The following BRCA1 variants were observed in gnomAD, a reference collection of about 807,000 sequenced individuals.
BRCA1 encodes the protein BRCA1 DNA repair associated.
In BRCA1, 140 loss-of-function variants were observed where a neutral mutation model predicts 173.7. The ratio of observed to expected loss-of-function variants is 0.81; its 90% CI spans 0.70 to 0.93. BRCA1 has a LOEUF of 0.93. Ranked by LOEUF, BRCA1 falls within the 40% of genes least tolerant of loss-of-function variation. The probability of loss-of-function intolerance (pLI) is 0.00; values close to 1 mark genes in which losing one functional copy is unlikely to be tolerated. For missense variants in BRCA1, 1,983 were observed against 2,172.5 expected (o/e 0.91, Z 1.73); for synonymous variants, 662 against 756.0 (o/e 0.88, Z 2.04).
chr17:43,158,115 TTTAA>T (rs2056209731), intron 1 of BRCA1, among the ~76,000 whole-genome samples: 1 of 152,208 alleles, frequency 6.6e-6, no homozygotes, highest in African/African-American at 2.4e-5. Context: ...TTCTTACATC[TTTAA>T]TTTTTATGTA....
In BRCA1 at chr17:43,100,632, T is replaced by TTATA. The variant is rs1325492180; in HGVS notation, c.442-756_442-753dup. Among the ~76,000 whole-genome samples, 4 of 43,208 alleles carry TTATA rather than the reference T, an allele frequency of 9.3e-5. No homozygotes were observed. In the African/African-American group the frequency reaches 9.7e-4, roughly 10 times the overall value. 28.3% of individuals were successfully genotyped at this position (43,208 alleles called of 152,430 possible). On this transcript the variant is annotated intron_variant, in intron 6 of 22. Coordinates refer to ENST00000357654, the MANE Select transcript of BRCA1 (RefSeq NM_007294.4). ...AACATATATATAACATATATATATGTTATATATATATAACATATATATAAC... is the reference window on the plus strand; with the variant it reads ...AACATATATATAACATATATATATGTTATATATATATATATAACATATATATAAC...
chr17:43,117,937 AAG>A (rs1258926081), intron 2 of BRCA1, among the ~76,000 whole-genome samples: 1 of 152,184 alleles, frequency 6.6e-6, no homozygotes, highest in Non-Finnish European at 1.5e-5. Context: ...TTACAAAATA[AAG>A]CCTGCTCTCA....
intron 1 of BRCA1, among the ~76,000 whole-genome samples, chr17:43,152,463 G>C (rs1325615446): frequency 2.0e-5 from 3 of 152,164 alleles, no homozygotes; most frequent in African/African-American, 7.2e-5. Context: ...GCTCACACCT[G>C]TCATCTCAGC....
chr17:43,064,055 A>T, intron 16 of BRCA1, 104 bp from the exon 17 acceptor site: 1 of 907,432 alleles, frequency 1.1e-6, no homozygotes. Flanking sequence ...CCCAAGATCA[A>T]TCTGGATTTA....
At chr17:43,080,303 C>T (rs1175165438) in intron 12 of BRCA1, among the ~76,000 whole-genome samples, 2 of 152,144 alleles carry the variant, frequency 1.3e-5, no homozygotes, top group African/African-American at 4.8e-5. Flanking sequence ...ATAAACTAGG[C>T]CAGGCACCGT....
intron 1 of BRCA1, chr17:43,161,890 T>C (rs552842044): frequency 3.5e-4 from 53 of 152,306 alleles, no homozygotes; most frequent in African/African-American, 1.2e-3. Flanking sequence ...GCTCGGCTAA[T>C]TGCAAAAACA....
chr17:43,070,822 T>G (rs1413220665), intron 15 of BRCA1, 106 bp downstream of exon 15: 4 of 1,314,256 alleles, frequency 3.0e-6, no homozygotes, highest in Non-Finnish European at 3.2e-6. Context: ...GTGATTGTTT[T>G]CTAGATTTCT....
intron 8 of BRCA1, among the ~76,000 whole-genome samples, chr17:43,096,376 C>CAAAAAAAAAAAAAA (rs71160005): frequency 8.1e-5 from 6 of 74,206 alleles, no homozygotes; most frequent in East Asian, 4.2e-4. Context: ...GACTCTGTCT[C>CAAAAAAAAAAAAAA]AAAAAAAAAA....
intron 3 of BRCA1, among the ~76,000 whole-genome samples, chr17:43,114,255 A>T (rs1035194181): frequency 3.3e-5 from 5 of 152,136 alleles, no homozygotes; most frequent in African/African-American, 1.2e-4. Context: ...TAATAATAGT[A>T]TAGTATGTTC....
At chr17:43,076,244 AT>A (rs1417854119) in intron 13 of BRCA1, among the ~76,000 whole-genome samples, 1 of 151,812 alleles carries the variant, frequency 6.6e-6, no homozygotes, top group Non-Finnish European at 1.5e-5. Flanking sequence ...CCTCCATTAT[AT>A]TTTTTTCTGA....
chr17:43,093,101 G>A lies in BRCA1; in HGVS notation c.2430C>T (p.Asn810=), dbSNP rs1459103756. The part of the protein sequence containing the change: ...KCVSQCAAFE[N]PKGLIHGCSK... The stretch of plus-strand genomic sequence containing the variant: ...AACAACCATGAATTAGTCCCTTGGG[G>A]TTTTCAAATGCTGCACACTGACTCA... Residue 810 remains asparagine (N), a synonymous_variant, in exon 10 of 23, where the codon AAC becomes AAT. Coordinates refer to ENST00000357654, the MANE Select transcript of BRCA1 (RefSeq NM_007294.4). 1 of 1,613,606 alleles carries A rather than the reference G, an allele frequency of 6.2e-7. No individual in the cohort carries two copies. Among genetic ancestry groups the A allele is most frequent in the South Asian group, 1.1e-5 (1 of 91,078 alleles).
In BRCA1 at chr17:43,124,135, CAT is replaced by C. The variant is rs273898667; in HGVS notation, c.-19-22_-19-21del. 8.8e-5 allele frequency: 113 copies of C among 1,290,656 alleles called. No homozygotes were observed. The highest frequency in any genetic ancestry group is 1.1e-4 in the Non-Finnish European group (94 of 894,414). The allele number at this position is 1,290,656 out of a possible 1,614,324, so 80.0% of individuals were successfully genotyped here. A position where few individuals can be genotyped will look rare whatever the true frequency, so the allele number is the denominator to read the frequency against. ...AATGAACTTTAACACATTAGAAAAA[CAT>C]ATATATATATCTTTTTAAAAGGTTT... On this transcript the variant is annotated intron_variant, in intron 1 of 22. Coordinates refer to ENST00000357654, the MANE Select transcript of BRCA1 (RefSeq NM_007294.4).
chr17:43,106,948 G>A (rs1213167871), intron 3 of BRCA1, among the ~76,000 whole-genome samples: 1 of 152,048 alleles, frequency 6.6e-6, no homozygotes, highest in Admixed American at 6.6e-5. Flanking sequence ...AGAAAGTGTG[G>A]TAATAGCATA....
Position 43,093,587 on chromosome 17 carries a change from T to C in BRCA1, c.1944A>G (p.Glu648=), listed in dbSNP as rs876660781. 12 of 1,613,938 alleles carry C rather than the reference T, an allele frequency of 7.4e-6. No individual in the cohort carries two copies. The highest frequency in any genetic ancestry group is 1.0e-5 in the Non-Finnish European group (12 of 1,180,002). The change falls in exon 10 of 23, where the codon GAA becomes GAG. Residue 648 remains glutamate, a synonymous_variant. Coordinates refer to ENST00000357654, the MANE Select transcript of BRCA1 (RefSeq NM_007294.4). Reference sequence around the variant, plus strand: ...GGTTGTACTTTTTTTTCTTTATCTCTTCACTGCTAGAACAACTATCAATTT... The same window carrying C: ...GGTTGTACTTTTTTTTCTTTATCTCCTCACTGCTAGAACAACTATCAATTT... ...ELQIDSCSSS[E]EIKKKKYNQM...
chr17:43,146,695 A>T (rs1262998101), intron 1 of BRCA1, among the ~76,000 whole-genome samples: 1 of 152,150 alleles, frequency 6.6e-6, no homozygotes, highest in Non-Finnish European at 1.5e-5. Context: ...ATGAAAGAAA[A>T]AAAAAGAAAA....
rs1326068348 is a variant in BRCA1, at chr17:43,125,340, T to C, written c.-89A>G. On this transcript the variant is annotated 5_prime_UTR_variant, in exon 1 of 23. Coordinates refer to ENST00000357654, the MANE Select transcript of BRCA1 (RefSeq NM_007294.4). ...CAGTTATCTGAGAAACCCCACAGCC[T>C]GTCCCCCGTCCAGGAAGTCTCAGCG... is the stretch of plus-strand genomic sequence containing the variant. 1.8e-5 allele frequency: 8 copies of C among 444,780 alleles called. No individual in the cohort carries two copies. The highest frequency in any genetic ancestry group is 9.4e-5 in the South Asian group (6 of 64,114). 27.6% of individuals were successfully genotyped at this position (444,780 alleles called of 1,614,324 possible).
In BRCA1 at chr17:43,106,453, T is replaced by C. The variant is rs80358083; in HGVS notation, c.212+3A>G. 2 of 1,574,274 alleles carry C rather than the reference T, an allele frequency of 1.3e-6. No homozygotes were observed. The highest frequency in any genetic ancestry group is 1.7e-6 in the Non-Finnish European group (2 of 1,146,498). On this transcript the variant is annotated splice_donor_region_variant and intron_variant, in intron 4 of 22. Transcript: ENST00000357654. ...AACCTAGCATCATTACCAAATTATATACCTTTTGGTTATATCATTCTTACA... is the reference window on the plus strand; with the variant it reads ...AACCTAGCATCATTACCAAATTATACACCTTTTGGTTATATCATTCTTACA...
At chr17:43,051,739 C>A (rs529155395) in intron 19 of BRCA1, among the ~76,000 whole-genome samples, 2 of 151,610 alleles carry the variant, frequency 1.3e-5, no homozygotes, top group South Asian at 2.1e-4. Context: ...AGGGTTCAAG[C>A]GATTCTCCTG....
chr17:43,146,299 CTTTTTT>C (rs774223347), intron 1 of BRCA1, among the ~76,000 whole-genome samples: 31 of 76,114 alleles, frequency 4.1e-4, no homozygotes, highest in African/African-American at 1.8e-3. Context: ...ATTTTTGTTA[CTTTTTT>C]TTTTTTTTTT....
Sources: allele counts gnomAD v4.1 joint callset (sites outside exome capture counted in the v4.1 genomes callset), GRCh38; gene constraint gnomAD v4.1.1; transcripts MANE v1.5; gene names NCBI Gene and HGNC (gene_info 2026-07-23, HGNC 2026-07-21).